The following MARCHF1 variants were observed in gnomAD, a reference collection of about 807,000 sequenced individuals.
MARCHF1 encodes the protein membrane associated ring-CH-type finger 1.
Under a neutral mutation model 54.2 loss-of-function variants are expected in MARCHF1, and 40 were observed. The observed-to-expected ratio is 0.74, with a 90% CI of 0.57 to 0.96. The LOEUF is 0.96. Ranked by LOEUF, MARCHF1 falls within the 40% of genes least tolerant of loss-of-function variation. MARCHF1 has a pLI of 0.00. For missense variants in MARCHF1, 586 were observed against 656.5 expected (o/e 0.89, Z 1.17); for synonymous variants, 236 against 236.3 (o/e 1.00, Z 0.01).
intron 9 of MARCHF1, among the ~76,000 whole-genome samples, chr4:163,533,839 T>A (rs963906150): frequency 6.6e-6 from 1 of 151,808 alleles, no homozygotes; most frequent in African/African-American, 2.4e-5. Flanking sequence ...GCATGATATA[T>A]TTATGGAAAC....
chr4:163,879,804 C>CGTGTGTGT (rs60539215), intron 3 of MARCHF1, among the ~76,000 whole-genome samples: 24,922 of 148,322 alleles, frequency 0.17, 2,246 homozygotes, highest in Non-Finnish European at 0.2. Context: ...GATTTAGAGG[C>CGTGTGTGT]GTGTGTGTGT....
intron 3 of MARCHF1, among the ~76,000 whole-genome samples, chr4:163,908,553 G>T (rs1751120734): frequency 1.3e-5 from 2 of 152,098 alleles, no homozygotes; most frequent in African/African-American, 4.8e-5. Context: ...CCTGTAGGTG[G>T]ACAGGTTTGT....
At chr4:163,827,726 ATAT>A (rs1296960563) in intron 4 of MARCHF1, among the ~76,000 whole-genome samples, 3 of 152,084 alleles carry the variant, frequency 2.0e-5, no homozygotes, top group Non-Finnish European at 2.9e-5. Flanking sequence ...GTTACAGGTA[ATAT>A]TATTAATTCT....
At chr4:164,174,747 T>C (rs1052947173) in intron 1 of MARCHF1, among the ~76,000 whole-genome samples, 16 of 152,226 alleles carry the variant, frequency 1.1e-4, no homozygotes, top group Non-Finnish European at 1.5e-5. Flanking sequence ...TTAACAGTAG[T>C]AGATAGTTGT....
intron 5 of MARCHF1, among the ~76,000 whole-genome samples, chr4:163,616,720 C>CAT (rs779463784): frequency 6.7e-6 from 1 of 150,358 alleles, no homozygotes; most frequent in Admixed American, 6.6e-5. Context: ...TCTCTGAAAA[C>CAT]ACACACACAC....
intron 2 of MARCHF1, among the ~76,000 whole-genome samples, chr4:164,099,276 T>A (rs1160203105): frequency 6.6e-6 from 1 of 152,188 alleles, no homozygotes; most frequent in Non-Finnish European, 1.5e-5. Flanking sequence ...CCATGTAAAG[T>A]TGTGAGAGCT....
chr4:163,700,436 C>T (rs61210953), intron 5 of MARCHF1, among the ~76,000 whole-genome samples: 5,725 of 151,524 alleles, frequency 0.038, 127 homozygotes, highest in African/African-American at 0.056. Context: ...ACCCAGAAGG[C>T]GGAGGTTGCA....
chr4:164,125,022 G>C (rs1406726265), intron 1 of MARCHF1, among the ~76,000 whole-genome samples: 2 of 152,036 alleles, frequency 1.3e-5, no homozygotes, highest in Admixed American at 1.3e-4. Context: ...TTGCATGCCT[G>C]TATTACATGT....
intron 2 of MARCHF1, among the ~76,000 whole-genome samples, chr4:164,082,228 T>C (rs1755116661): frequency 6.6e-6 from 1 of 152,228 alleles, no homozygotes; most frequent in African/African-American, 2.4e-5. Context: ...TCACCTTTAG[T>C]AGTCAACAGT....
chr4:163,670,795 G>A lies in MARCHF1; in HGVS notation c.162+30018C>T, dbSNP rs567887813. On this transcript the variant is annotated intron_variant, in intron 5 of 9. Coordinates refer to ENST00000514618, the MANE Select transcript of MARCHF1 (RefSeq NM_001394959.1). The stretch of plus-strand genomic sequence containing the variant: ...AGGAGCCGGGAATACAATACTTATC[G>A]AGAAACACAAATGTTTTTATTTTGG... 3.3e-5 allele frequency among the ~76,000 whole-genome samples: 5 copies of A among 152,288 alleles called. No homozygotes were observed. In the East Asian group the frequency reaches 5.8e-4, roughly 18 times the overall value.
chr4:163,579,419 G>A (rs1357422477), intron 8 of MARCHF1, among the ~76,000 whole-genome samples: 1 of 152,080 alleles, frequency 6.6e-6, no homozygotes, highest in Admixed American at 6.5e-5. Flanking sequence ...TTGTTATTTT[G>A]TAGTCTACTT....
chr4:164,031,417 T>C (rs184345524), intron 2 of MARCHF1, among the ~76,000 whole-genome samples: 2,095 of 125,164 alleles, frequency 0.017, 28 homozygotes, highest in Non-Finnish European at 0.023. Flanking sequence ...GGGTATCTAT[T>C]ATATTATTTT....
At chr4:164,249,238 C>T (rs370186687) in intron 1 of MARCHF1, among the ~76,000 whole-genome samples, 7 of 152,046 alleles carry the variant, frequency 4.6e-5, no homozygotes, top group South Asian at 2.1e-4. Flanking sequence ...ACAAGTGAAG[C>T]GTGAAGTTGG....
intron 3 of MARCHF1, among the ~76,000 whole-genome samples, chr4:163,931,605 C>A (rs534508164): frequency 1.3e-5 from 2 of 152,162 alleles, no homozygotes; most frequent in African/African-American, 2.4e-5. Context: ...GAAAGAAATA[C>A]ATTTCCGTTG....
chr4:163,628,228 A>G (rs1741942021), intron 5 of MARCHF1, among the ~76,000 whole-genome samples: 1 of 152,234 alleles, frequency 6.6e-6, no homozygotes, highest in African/African-American at 2.4e-5. Context: ...ACAACCTAAT[A>G]AAAATGCTCT....
At chr4:163,535,444 A>G (rs1245598484) in intron 9 of MARCHF1, among the ~76,000 whole-genome samples, 1 of 152,072 alleles carries the variant, frequency 6.6e-6, no homozygotes, top group African/African-American at 2.4e-5. Context: ...TGACCTAGTA[A>G]TCTTTGATAG....
chr4:164,108,919 T>G (rs959664073), intron 2 of MARCHF1, among the ~76,000 whole-genome samples: 1 of 152,096 alleles, frequency 6.6e-6, no homozygotes, highest in African/African-American at 2.4e-5. Context: ...TTAAAACATT[T>G]GTTTAAATCT....
intron 7 of MARCHF1, among the ~76,000 whole-genome samples, chr4:163,596,115 A>G (rs1231186897): frequency 1.3e-5 from 2 of 152,088 alleles, no homozygotes; most frequent in Non-Finnish European, 2.9e-5. Context: ...GATATTTTAT[A>G]AACTTAGAGT....
intron 1 of MARCHF1, among the ~76,000 whole-genome samples, chr4:164,247,753 G>T (rs925992136): frequency 6.6e-6 from 1 of 150,384 alleles, no homozygotes; most frequent in African/African-American, 2.5e-5. Flanking sequence ...ATGGCTAAAG[G>T]TAACTGAGAT....
Sources: allele counts gnomAD v4.1 joint callset (sites outside exome capture counted in the v4.1 genomes callset), GRCh38; gene constraint gnomAD v4.1.1; transcripts MANE v1.5; gene names NCBI Gene and HGNC (gene_info 2026-07-23, HGNC 2026-07-21).